The following PREX1 variants were observed in gnomAD, a reference collection of about 807,000 sequenced individuals.
PREX1 encodes phosphatidylinositol 3,4,5-trisphosphate-dependent Rac exchanger 1 protein.
In PREX1, 41 loss-of-function variants were observed where a neutral mutation model predicts 198.3. That is an observed-to-expected ratio of 0.21 (90% CI 0.16 to 0.27). The LOEUF (loss-of-function observed/expected upper bound fraction) is 0.27. Ranked by LOEUF, PREX1 falls within the 10% of genes least tolerant of loss-of-function variation. The pLI is 1.00. For missense variants in PREX1, 1,620 were observed against 2,200.7 expected, an observed-to-expected ratio of 0.74 and a Z score of 5.28; for synonymous variants, 843 against 887.2, an observed-to-expected ratio of 0.95 and a Z score of 0.89.
chr20:48,882,011 T>C, the PREX1 span, among the ~76,000 whole-genome samples: 1 of 148,468 alleles, frequency 6.7e-6, no homozygotes, highest in African/African-American at 2.5e-5. Flanking sequence ...TCATACAATA[T>C]GTTTTTTATG....
Position 48,630,762 on chromosome 20 carries a change from G to T in PREX1, c.4559C>A (p.Thr1520Lys). The T allele has an allele frequency of 6.3e-7, 1 of 1,599,898 alleles. No homozygotes were observed. The highest frequency in any genetic ancestry group is 8.6e-7 in the Non-Finnish European group (1 of 1,167,176). Residue 1520 changes from threonine to lysine, a missense_variant, in exon 36 of 40, where the codon ACG becomes AAG. Coordinates refer to ENST00000371941, the MANE Select transcript of PREX1 (RefSeq NM_020820.4). ...AFYLERSNLP[T>K]DASTTAVKID... ...CTTTACCGCCGTGGTGCTGGCATCC[G>T]TGGGCAGGTTAGACCGCTCCAGGTA...
the PREX1 span, among the ~76,000 whole-genome samples, chr20:48,852,018 G>A: frequency 6.6e-6 from 1 of 151,906 alleles, no homozygotes; most frequent in African/African-American, 2.4e-5. Flanking sequence ...CCAGGTTTTA[G>A]CCCAAACGTG....
chr20:48,808,998 C>T (rs1181953122), intron 1 of PREX1, among the ~76,000 whole-genome samples: 2 of 152,200 alleles, frequency 1.3e-5, no homozygotes, highest in Non-Finnish European at 2.9e-5. Context: ...CTGGGTAGGT[C>T]AGGGAACCTT....
intron 35 of PREX1, among the ~76,000 whole-genome samples, chr20:48,631,901 C>G (rs1655377847): frequency 6.6e-6 from 1 of 152,168 alleles, no homozygotes; most frequent in Non-Finnish European, 1.5e-5. Context: ...CCCTCACTCA[C>G]AGGCCCAAGA....
chr20:48,720,400 T>C (rs1471967899), intron 5 of PREX1, among the ~76,000 whole-genome samples: 2 of 152,166 alleles, frequency 1.3e-5, no homozygotes, highest in African/African-American at 4.8e-5. Context: ...TTTGTACCTC[T>C]AGCACCTCAA....
At position 48,688,745 on chromosome 20, in the gene PREX1, G is replaced by A; in HGVS notation, c.1246C>T (p.Leu416=). The change falls in exon 10 of 40, where the codon CTG becomes TTG. Residue 416 remains leucine (L), a synonymous_variant. Transcript: ENST00000371941. ...YVMIAEKGEK[L]YHMMMNKKVN... ...TTCTTGTTCATCATCATGTGGTACA[G>A]CTTCTCCCCCTTCTCCGCAATCATG... 6 of 1,614,198 alleles carry A rather than the reference G, an allele frequency of 3.7e-6. No homozygotes were observed. The highest frequency in any genetic ancestry group is 5.1e-6 in the Non-Finnish European group (6 of 1,180,026).
At chr20:48,813,345 A>G (rs1488220254) in intron 1 of PREX1, among the ~76,000 whole-genome samples, 1 of 152,218 alleles carries the variant, frequency 6.6e-6, no homozygotes, top group Non-Finnish European at 1.5e-5. Flanking sequence ...ACTGAGGACA[A>G]TCAAAATCAC....
the PREX1 span, among the ~76,000 whole-genome samples, chr20:48,839,372 T>C: frequency 6.6e-6 from 1 of 152,374 alleles, no homozygotes; most frequent in Non-Finnish European, 1.5e-5. Flanking sequence ...GCTTGTTCTT[T>C]AGATCCATCT....
At chr20:48,767,815 G>A (rs1305341143) in intron 1 of PREX1, among the ~76,000 whole-genome samples, 1 of 151,992 alleles carries the variant, frequency 6.6e-6, no homozygotes, top group Non-Finnish European at 1.5e-5. Context: ...TGCACAGGAT[G>A]CTCAAATATC....
At chr20:48,726,625 C>T (rs1389433751) in intron 4 of PREX1, among the ~76,000 whole-genome samples, 1 of 152,256 alleles carries the variant, frequency 6.6e-6, no homozygotes, top group Non-Finnish European at 1.5e-5. Context: ...ACATCCATCA[C>T]ATTGGCTGTG....
chr20:48,745,016 G>T lies in PREX1; in HGVS notation c.414+9C>A. On this transcript the variant is annotated intron_variant, in intron 3 of 39. Transcript: ENST00000371941. ...TAGAGTCCACCAGGGGCAGTGGCAT[G>T]GTACTCACGAATTTTAAGAAAACAT... The T allele has an allele frequency of 6.2e-7, 1 of 1,613,654 alleles. No individual in the cohort carries two copies. The highest frequency in any genetic ancestry group is 1.1e-5 in the South Asian group (1 of 91,056).
Position 48,627,879 on chromosome 20 carries a change from C to G in PREX1, c.4851G>C (p.Thr1617=), listed in dbSNP as rs79164465. 7 of 1,612,976 alleles carry G rather than the reference C, an allele frequency of 4.3e-6. No homozygotes were observed. The African/African-American group carries it at 6.7e-5, about 15-fold the overall frequency. Residue 1617 remains threonine, a synonymous_variant, in exon 38 of 40, where the codon ACG becomes ACC. Coordinates refer to ENST00000371941, the MANE Select transcript of PREX1 (RefSeq NM_020820.4). Reference sequence around the variant, plus strand: ...GCCTCACCTGCTTCCGCATGATGTCCGTGGCCTGCATGATGCACTTGGGCA... The same window carrying G: ...GCCTCACCTGCTTCCGCATGATGTCGGTGGCCTGCATGATGCACTTGGGCA... ...GLLPKCIMQA[T]DIMRKQGPRV...
At chr20:48,754,181 C>T (rs2090146533) in intron 1 of PREX1, among the ~76,000 whole-genome samples, 1 of 152,236 alleles carries the variant, frequency 6.6e-6, no homozygotes, top group South Asian at 2.1e-4. Flanking sequence ...TCACTAACTA[C>T]ACCTTTAGGC....
intron 2 of PREX1, among the ~76,000 whole-genome samples, chr20:48,746,862 CAGG>C (rs2090109933): frequency 6.6e-6 from 1 of 151,420 alleles, no homozygotes; most frequent in Non-Finnish European, 1.5e-5. Flanking sequence ...GTGGAATAAA[CAGG>C]AGGTGCTCAG....
At chr20:48,670,074 T>C (rs73911622) in intron 14 of PREX1, among the ~76,000 whole-genome samples, 2,756 of 152,262 alleles carry the variant, frequency 0.018, 85 homozygotes, top group African/African-American at 0.06. Context: ...AACAGAGGCA[T>C]AGACAGACTT....
chr20:48,635,251 A>ATCC (rs2089353342), intron 32 of PREX1, among the ~76,000 whole-genome samples: 1 of 152,028 alleles, frequency 6.6e-6, no homozygotes, highest in Admixed American at 6.6e-5. Flanking sequence ...ACACTAAAAC[A>ATCC]TCCTCCAGAC....
In PREX1 at chr20:48,625,488, G is replaced by A. The variant is rs948568872; in HGVS notation, c.*397C>T. 1 of 193,164 alleles carries A rather than the reference G, an allele frequency of 5.2e-6. No individual in the cohort carries two copies. The highest frequency in any genetic ancestry group is 1.1e-5 in the Non-Finnish European group (1 of 94,362). The allele number at this position is 193,164 out of a possible 1,614,324, so 12.0% of individuals were successfully genotyped here. The stretch of plus-strand genomic sequence containing the variant: ...ACGTGTGGTCACCTGGAATGTGGAC[G>A]TTGAAGGAAACCGGGGTTTCAAAAG... On this transcript the variant is annotated 3_prime_UTR_variant, in exon 40 of 40. Coordinates refer to ENST00000371941, the MANE Select transcript of PREX1 (RefSeq NM_020820.4).
intron 1 of PREX1, among the ~76,000 whole-genome samples, chr20:48,776,042 G>C (rs556271951): frequency 8.5e-5 from 13 of 152,052 alleles, no homozygotes; most frequent in Non-Finnish European, 1.3e-4. Flanking sequence ...TAACAAGCAG[G>C]GGGAAGAGAC....
rs1040165269 is a variant in PREX1 at position 48,747,900 on chromosome 20, A to G, written c.220-20T>C. 7 of 1,605,786 alleles carry G rather than the reference A, an allele frequency of 4.4e-6. No homozygotes were observed. The highest frequency in any genetic ancestry group is 6.0e-6 in the Non-Finnish European group (7 of 1,174,462). Reference sequence around the variant, plus strand: ...GAATGCCTGGAGGAGAGAAGCAGAGAGAGGTGAGTGTCCGCGTCTCCAGCT... The same window carrying G: ...GAATGCCTGGAGGAGAGAAGCAGAGGGAGGTGAGTGTCCGCGTCTCCAGCT... On this transcript the variant is annotated intron_variant, in intron 1 of 39. Coordinates refer to ENST00000371941, the MANE Select transcript of PREX1 (RefSeq NM_020820.4).
Sources: gnomAD v4.1 joint callset for allele counts (sites outside exome capture counted in the v4.1 genomes callset) on GRCh38, gnomAD v4.1.1 for gene constraint, MANE v1.5 for transcripts, NCBI Gene and HGNC (gene_info 2026-07-23, HGNC 2026-07-21) for gene names.